Variants in SPATA45 observed in about 807,000 individuals in gnomAD.
SPATA45 encodes spermatogenesis associated 45, also known as spermatogenesis-associated protein 45.
A neutral mutation model predicts 7.0 loss-of-function variants in SPATA45; 5 were observed. The observed-to-expected ratio is 0.71, with a 90% confidence interval of 0.37 to 1.50. The LOEUF is 1.50. Ranked by LOEUF, SPATA45 falls within the 40% of genes most tolerant of loss-of-function variation. SPATA45 has a pLI of 0.03. For synonymous variants in SPATA45, 40 were observed against 38.7 expected (o/e 1.03, Z -0.13); for missense variants, 111 against 114.9 (o/e 0.97, Z 0.16).
At chr1:212,837,590 G>A (rs935360046) in intron 1 of SPATA45, among the ~76,000 whole-genome samples, 32 of 151,458 alleles carry the variant, frequency 2.1e-4, no homozygotes, top group African/African-American at 4.8e-4. Flanking sequence ...CTGAGATCAC[G>A]CGATTGCACT....
intron 1 of SPATA45, among the ~76,000 whole-genome samples, chr1:212,843,100 T>TATAC (rs1553260400): frequency 1.6e-5 from 2 of 121,930 alleles, no homozygotes; most frequent in East Asian, 2.4e-4. Context: ...CCGTCAAACA[T>TATAC]ACACACACAC....
chr1:212,846,318 C>T (rs569404726), intron 1 of SPATA45, among the ~76,000 whole-genome samples: 4 of 152,108 alleles, frequency 2.6e-5, no homozygotes, highest in African/African-American at 2.4e-5. Context: ...CAAAAGTTTT[C>T]GCTGCCTCAA....
intron 1 of SPATA45, among the ~76,000 whole-genome samples, chr1:212,844,276 C>A (rs1663746235): frequency 6.6e-6 from 1 of 152,118 alleles, no homozygotes; most frequent in Non-Finnish European, 1.5e-5. Context: ...CTACAGTTCC[C>A]ATAACTTTCA....
At chr1:212,843,139 A>ACACACACT (rs1229697163) in intron 1 of SPATA45, among the ~76,000 whole-genome samples, 15 of 144,278 alleles carry the variant, frequency 1.0e-4, no homozygotes, top group African/African-American at 3.2e-4. Flanking sequence ...ACACACACAC[A>ACACACACT]CTTAGCTGGG....
At chr1:212,837,406 G>A (rs1663608884) in intron 1 of SPATA45, among the ~76,000 whole-genome samples, 1 of 151,336 alleles carries the variant, frequency 6.6e-6, no homozygotes, top group Non-Finnish European at 1.5e-5. Flanking sequence ...GGCCAAGGCG[G>A]GCAGATCACA....
chr1:212,843,877 C>T (rs1042142633), intron 1 of SPATA45, among the ~76,000 whole-genome samples: 4 of 152,178 alleles, frequency 2.6e-5, no homozygotes, highest in African/African-American at 9.6e-5. Flanking sequence ...AATTGTCTTG[C>T]CTATCCACCC....
intron 1 of SPATA45, among the ~76,000 whole-genome samples, chr1:212,845,117 T>C (rs916370925): frequency 6.6e-6 from 1 of 152,224 alleles, no homozygotes; most frequent in African/African-American, 2.4e-5. Flanking sequence ...TATTCTGTTG[T>C]CATTTCATAA....
intron 2 of SPATA45, among the ~76,000 whole-genome samples, chr1:212,834,030 T>C (rs1663545813): frequency 6.6e-6 from 1 of 151,764 alleles, no homozygotes; most frequent in South Asian, 2.1e-4. Flanking sequence ...ATTATAGGCA[T>C]GAGCCACCTT....
At chr1:212,831,153 T>TAA (rs35097122) in intron 2 of SPATA45, among the ~76,000 whole-genome samples, 22 of 138,210 alleles carry the variant, frequency 1.6e-4, no homozygotes, top group South Asian at 4.6e-4. Flanking sequence ...CTCAATAAAT[T>TAA]AAAAAAAAAA....
At chr1:212,830,285 T>G in intron 2 of SPATA45, 24 bp from the exon 3 acceptor site, 1 of 1,345,668 alleles carries the variant, frequency 7.4e-7, no homozygotes, top group Non-Finnish European at 1.0e-6. Flanking sequence ...AAATAAAAAG[T>G]ATTTGTTATA....
At chr1:212,845,287 T>A (rs945648070) in intron 1 of SPATA45, among the ~76,000 whole-genome samples, 3 of 152,160 alleles carry the variant, frequency 2.0e-5, no homozygotes, top group African/African-American at 7.2e-5. Flanking sequence ...TCCCTACACA[T>A]CAAGCTTGGG....
chr1:212,843,840 A>G (rs1217067775), intron 1 of SPATA45, among the ~76,000 whole-genome samples: 1 of 152,246 alleles, frequency 6.6e-6, no homozygotes, highest in East Asian at 1.9e-4. Context: ...CTTACAGGTT[A>G]GTTCAGGATC....
intron 2 of SPATA45, among the ~76,000 whole-genome samples, chr1:212,831,759 C>A (rs912695394): frequency 6.6e-6 from 1 of 151,084 alleles, no homozygotes; most frequent in African/African-American, 2.4e-5. Flanking sequence ...ACACACAGGC[C>A]TCCCCACCAG....
intron 1 of SPATA45, among the ~76,000 whole-genome samples, chr1:212,843,096 A>AC (rs1558098494): frequency 1.8e-5 from 1 of 56,728 alleles, no homozygotes; most frequent in Non-Finnish European, 4.2e-5. Flanking sequence ...GACTCCGTCA[A>AC]ACATACACAC....
intron 1 of SPATA45, among the ~76,000 whole-genome samples, chr1:212,836,935 G>T (rs559414289): frequency 6.6e-6 from 1 of 151,062 alleles, no homozygotes; most frequent in Non-Finnish European, 1.5e-5. Flanking sequence ...GGGATTACAG[G>T]CATGAGCCAC....
At chr1:212,842,302 T>C (rs149922884) in intron 1 of SPATA45, among the ~76,000 whole-genome samples, 3,472 of 151,788 alleles carry the variant, frequency 0.023, 63 homozygotes, top group South Asian at 0.042. Flanking sequence ...TGCTTGAACC[T>C]GGGAGGCAGA....
At chr1:212,831,639 G>A (rs1446439658) in intron 2 of SPATA45, among the ~76,000 whole-genome samples, 2 of 151,212 alleles carry the variant, frequency 1.3e-5, no homozygotes, top group African/African-American at 2.4e-5. Context: ...TGGAAATCTC[G>A]GACTAAGAGA....
At chr1:212,840,270 C>T (rs1224562883) in intron 1 of SPATA45, among the ~76,000 whole-genome samples, 5 of 144,882 alleles carry the variant, frequency 3.5e-5, no homozygotes, top group East Asian at 4.0e-4. Context: ...CTTAGCCGGG[C>T]GTGGTGGCGC....
chr1:212,834,780 G>A (rs145334893), intron 2 of SPATA45, among the ~76,000 whole-genome samples: 1,771 of 151,562 alleles, frequency 0.012, 62 homozygotes, highest in Non-Finnish European at 0.019. Flanking sequence ...CTTTTTGTGT[G>A]ATATTTGTCA....
Sources: allele counts gnomAD v4.1 joint callset (sites outside exome capture counted in the v4.1 genomes callset), GRCh38; gene constraint gnomAD v4.1.1; transcripts MANE v1.5; gene names NCBI Gene and HGNC (gene_info 2026-07-23, HGNC 2026-07-21).